The following MAGI2 variants were observed in gnomAD, a reference collection of about 807,000 sequenced individuals.
MAGI2 encodes membrane-associated guanylate kinase, WW and PDZ domain-containing protein 2.
Under a neutral mutation model 133.3 loss-of-function variants are expected in MAGI2, and 35 were observed. The observed-to-expected ratio is 0.26, with a 90% CI of 0.20 to 0.35. MAGI2 has a LOEUF of 0.35. MAGI2 is among the 10% of genes least tolerant of loss of function. MAGI2 has a pLI of 1.00. For synonymous variants in MAGI2, 729 were observed against 710.6 expected (o/e 1.03, Z -0.41); for missense variants, 1,636 against 1,863.4 (o/e 0.88, Z 2.25).
At chr7:79,324,689 A>G (rs1395821169) in intron 1 of MAGI2, among the ~76,000 whole-genome samples, 4 of 16,056 alleles carry the variant, frequency 2.5e-4, no homozygotes, top group Non-Finnish European at 4.4e-4. Flanking sequence ...TATTATATAT[A>G]TATAAAATAT....
intron 2 of MAGI2, among the ~76,000 whole-genome samples, chr7:78,868,191 A>G (rs371194118): frequency 7.3e-5 from 11 of 150,652 alleles, no homozygotes; most frequent in African/African-American, 2.0e-4. Context: ...GGAAAATGGC[A>G]TACTTAATTA....
intron 20 of MAGI2, among the ~76,000 whole-genome samples, chr7:78,102,555 C>G (rs756295066): frequency 2.0e-5 from 3 of 152,148 alleles, no homozygotes; most frequent in Non-Finnish European, 2.9e-5. Context: ...CCCCCTTTCC[C>G]CCACAAAAAG....
At chr7:79,165,113 A>G (rs892617607) in intron 1 of MAGI2, among the ~76,000 whole-genome samples, 3 of 151,754 alleles carry the variant, frequency 2.0e-5, no homozygotes, top group Non-Finnish European at 1.5e-5. Context: ...ACTGAACAGC[A>G]TCTTGTAGAT....
chr7:78,555,133 GAAAT>G lies in MAGI2; in HGVS notation c.539-33492_539-33489del, dbSNP rs199696275. On this transcript the variant is annotated intron_variant, in intron 3 of 21. Coordinates refer to ENST00000354212, the MANE Select transcript of MAGI2 (RefSeq NM_012301.4). ...TAGGTGACAGAGTGAGGCACTGTCA[GAAAT>G]AAATAAATAAATAAATAAATAAATA... Among the ~76,000 whole-genome samples the G allele has an allele frequency of 9.8e-3, 1,275 of 130,132 alleles. 15 individuals carry two copies. Among genetic ancestry groups the G allele is most frequent in the African/African-American group, 0.032 (1,205 of 37,708 alleles). The allele number at this position is 130,132 out of a possible 152,430, so 85.4% of individuals were successfully genotyped here. A position where few individuals can be genotyped will look rare whatever the true frequency, so the allele number is the denominator to read the frequency against.
chr7:78,924,468 T>G (rs536491027), intron 2 of MAGI2, among the ~76,000 whole-genome samples: 1 of 152,272 alleles, frequency 6.6e-6, no homozygotes, highest in Admixed American at 6.5e-5. Context: ...GGTTTTTGTC[T>G]TTGGTTCTGT....
At chr7:79,383,487 G>A (rs912423686) in intron 1 of MAGI2, among the ~76,000 whole-genome samples, 3 of 151,356 alleles carry the variant, frequency 2.0e-5, no homozygotes, top group Non-Finnish European at 4.4e-5. Flanking sequence ...ACTCTTTTGC[G>A]ATACATGGTC....
chr7:78,909,429 T>TAA (rs71085571), intron 2 of MAGI2, among the ~76,000 whole-genome samples: 11 of 132,922 alleles, frequency 8.3e-5, no homozygotes, highest in Non-Finnish European at 1.6e-4. Context: ...CCGTCTCTAC[T>TAA]AAAAAAAAAA....
At chr7:78,791,675 G>A (rs570591233) in intron 2 of MAGI2, among the ~76,000 whole-genome samples, 2 of 151,520 alleles carry the variant, frequency 1.3e-5, no homozygotes, top group African/African-American at 4.8e-5. Flanking sequence ...TCAGCCTCCC[G>A]AGTAGCTGGG....
chr7:78,108,844 G>T (rs1819000229), intron 20 of MAGI2, among the ~76,000 whole-genome samples: 1 of 151,824 alleles, frequency 6.6e-6, no homozygotes, highest in African/African-American at 2.4e-5. Flanking sequence ...CCTAGAGGAA[G>T]ATATCAATAT....
chr7:79,442,965 TTGCAGATCAGAA>T (rs759209568), intron 1 of MAGI2, among the ~76,000 whole-genome samples: 1 of 151,428 alleles, frequency 6.6e-6, no homozygotes, highest in Non-Finnish European at 1.5e-5. Context: ...AAATTAGGTA[TTGCAGATCAGAA>T]TGCAGATCAG....
At chr7:78,708,570 A>G (rs1271201183) in intron 2 of MAGI2, among the ~76,000 whole-genome samples, 1 of 152,170 alleles carries the variant, frequency 6.6e-6, no homozygotes, top group Non-Finnish European at 1.5e-5. Flanking sequence ...ATTTCATTCT[A>G]GATATCATAT....
chr7:79,323,255 A>G lies in MAGI2; in HGVS notation c.301+129765T>C, dbSNP rs552770156. 1.3e-3 allele frequency among the ~76,000 whole-genome samples: 201 copies of G among 152,260 alleles called. 1 individual carries two copies. Among genetic ancestry groups the G allele is most frequent in the African/African-American group, 4.5e-3 (188 of 41,556 alleles). On this transcript the variant is annotated intron_variant, in intron 1 of 21. Transcript: ENST00000354212. ...AGGACCACATCCTCCCCTCTCCTCA[A>G]TGAACTTACAGTCAAATGGAAGATA...
intron 10 of MAGI2, among the ~76,000 whole-genome samples, chr7:78,206,391 C>T (rs1584389633): frequency 6.6e-6 from 1 of 151,274 alleles, no homozygotes; most frequent in African/African-American, 2.4e-5. Flanking sequence ...TCCCGGGTTC[C>T]AGCGATTCTC....
In MAGI2 at chr7:78,756,232, G is replaced by A. The variant is rs189734517; in HGVS notation, c.419-128993C>T. Among the ~76,000 whole-genome samples, 650 of 152,310 alleles carry A rather than the reference G, an allele frequency of 4.3e-3. 5 individuals are homozygous for A. Among genetic ancestry groups the A allele is most frequent in the Non-Finnish European group, 5.1e-3 (347 of 68,028 alleles). ...GGAGATCAGAGCTCTAGCCAGCCAAGTGGGGATCCAAGTCTGGGATCCATT... is the reference window on the plus strand; with the variant it reads ...GGAGATCAGAGCTCTAGCCAGCCAAATGGGGATCCAAGTCTGGGATCCATT... On this transcript the variant is annotated intron_variant, in intron 2 of 21. Coordinates refer to ENST00000354212, the MANE Select transcript of MAGI2 (RefSeq NM_012301.4).
chr7:78,562,579 T>A (rs1014483756), intron 3 of MAGI2, among the ~76,000 whole-genome samples: 1 of 152,212 alleles, frequency 6.6e-6, no homozygotes, highest in Non-Finnish European at 1.5e-5. Context: ...AACTTAATCA[T>A]CATGATTCAT....
intron 2 of MAGI2, among the ~76,000 whole-genome samples, chr7:78,901,835 T>C (rs910661451): frequency 6.6e-6 from 1 of 152,208 alleles, no homozygotes; most frequent in South Asian, 2.1e-4. Flanking sequence ...CAGAAAAATA[T>C]GTTATTGCCA....
At chr7:78,618,655 T>C (rs1040593317) in intron 3 of MAGI2, 4 of 151,826 alleles carry the variant, frequency 2.6e-5, no homozygotes, top group Non-Finnish European at 5.9e-5. Flanking sequence ...GATTTTTATA[T>C]TGTGGTATAT....
At chr7:79,326,768 A>G (rs1017255336) in intron 1 of MAGI2, among the ~76,000 whole-genome samples, 3 of 152,116 alleles carry the variant, frequency 2.0e-5, no homozygotes, top group East Asian at 3.9e-4. Flanking sequence ...ACAACCAATA[A>G]TGAAATGGAG....
chr7:78,273,114 G>A (rs1212725427), intron 9 of MAGI2, among the ~76,000 whole-genome samples: 1 of 152,144 alleles, frequency 6.6e-6, no homozygotes, highest in East Asian at 1.9e-4. Flanking sequence ...CTTCCTTCAG[G>A]AGCTCTTGTA....
Sources: gnomAD v4.1 joint callset for allele counts (sites outside exome capture counted in the v4.1 genomes callset) on GRCh38, gnomAD v4.1.1 for gene constraint, MANE v1.5 for transcripts, NCBI Gene and HGNC (gene_info 2026-07-23, HGNC 2026-07-21) for gene names.